The following B3GALT1 variants were observed in gnomAD, a reference collection of about 807,000 sequenced individuals.
B3GALT1 encodes the protein beta-1,3-galactosyltransferase 1, also known as UDP-Gal:betaGlcNAc beta 1,3-galactosyltransferase, polypeptide 1.
Under a neutral mutation model 23.2 loss-of-function variants are expected in B3GALT1, and 10 were observed. The ratio of observed to expected loss-of-function variants is 0.43; its 90% CI spans 0.27 to 0.73. The LOEUF (loss-of-function observed/expected upper bound fraction) is 0.73, where lower values mean the gene tolerates loss of function less well. Among genes scored for constraint, B3GALT1 ranks in the 30% least tolerant of loss-of-function variants. The pLI is 0.21. For missense variants in B3GALT1, 299 were observed against 405.4 expected, an observed-to-expected ratio of 0.74 and a Z score of 2.25; for synonymous variants, 156 against 141.5, an observed-to-expected ratio of 1.10 and a Z score of -0.73.
intron 2 of B3GALT1, among the ~76,000 whole-genome samples, chr2:167,593,237 A>AATATCATGTG (rs1364913260): frequency 2.4e-4 from 36 of 152,256 alleles, no homozygotes; most frequent in Admixed American, 1.3e-3. Context: ...GGCTAGGTAA[A>AATATCATGTG]ATATACTGTA....
intron 3 of B3GALT1, among the ~76,000 whole-genome samples, chr2:167,799,568 T>C (rs892942444): frequency 1.2e-4 from 18 of 152,176 alleles, no homozygotes; most frequent in Admixed American, 8.5e-4. Context: ...CACAGTATAT[T>C]GCAAAGGATT....
intron 2 of B3GALT1, among the ~76,000 whole-genome samples, chr2:167,624,631 A>T (rs978065586): frequency 7.2e-5 from 11 of 152,050 alleles, no homozygotes; most frequent in Non-Finnish European, 1.3e-4. Context: ...TCCCAAATTT[A>T]AATTTATATC....
rs549718014 is a variant in B3GALT1 at position 167,568,772 on chromosome 2, A to AT, written c.-409-78127dup. 2.7e-3 allele frequency among the ~76,000 whole-genome samples: 407 copies of AT among 148,836 alleles called. 1 individual carries two copies. Among genetic ancestry groups the AT allele is most frequent in the African/African-American group, 8.8e-3 (359 of 40,666 alleles). On this transcript the variant is annotated intron_variant, in intron 2 of 4. Transcript: ENST00000392690. ...ATTTCTTTCATGAATCATGTCTTTG[A>AT]TTTTTTTTTTATCTAAAGAGTCATT... is the stretch of plus-strand genomic sequence containing the variant.
At chr2:167,718,287 A>AC (rs1343958027) in intron 3 of B3GALT1, among the ~76,000 whole-genome samples, 2 of 151,880 alleles carry the variant, frequency 1.3e-5, no homozygotes, top group Admixed American at 6.6e-5. Context: ...TCATAAACAA[A>AC]AAAAAAAAAT....
intron 1 of B3GALT1, among the ~76,000 whole-genome samples, chr2:167,449,091 G>C (rs1183088447): frequency 6.6e-6 from 1 of 151,960 alleles, no homozygotes; most frequent in Non-Finnish European, 1.5e-5. Context: ...CTATTTTTTT[G>C]TTCCATATGA....
chr2:167,663,413 A>G (rs913929612), intron 3 of B3GALT1, among the ~76,000 whole-genome samples: 7 of 151,972 alleles, frequency 4.6e-5, no homozygotes, highest in African/African-American at 1.4e-4. Context: ...TAATGCCGCA[A>G]TAAACATACG....
At chr2:167,865,558 G>A (rs145780877) in intron 4 of B3GALT1, among the ~76,000 whole-genome samples, 1,841 of 152,302 alleles carry the variant, frequency 0.012, 37 homozygotes, top group African/African-American at 0.042. Flanking sequence ...CTGGGAGGCC[G>A]AGGCGGGCAG....
chr2:167,565,128 A>C (rs943138516), intron 2 of B3GALT1, among the ~76,000 whole-genome samples: 12 of 152,332 alleles, frequency 7.9e-5, no homozygotes, highest in East Asian at 3.9e-4. Context: ...TACAGTAACC[A>C]AAACAGCATG....
intron 4 of B3GALT1, among the ~76,000 whole-genome samples, chr2:167,848,402 A>C (rs1689806516): frequency 6.6e-6 from 1 of 152,236 alleles, no homozygotes. Context: ...GCCATGATCA[A>C]GTGGGTTTCA....
chr2:167,772,822 T>C (rs778276800), intron 3 of B3GALT1, among the ~76,000 whole-genome samples: 3 of 152,250 alleles, frequency 2.0e-5, no homozygotes, highest in Admixed American at 6.5e-5. Flanking sequence ...TAAACATTAC[T>C]GACACCTGTC....
chr2:167,345,188 C>T (rs1194986307), intron 1 of B3GALT1, among the ~76,000 whole-genome samples: 1 of 151,828 alleles, frequency 6.6e-6, no homozygotes, highest in Non-Finnish European at 1.5e-5. Flanking sequence ...AAGCATCTCT[C>T]AGAAGGATTT....
intron 1 of B3GALT1, among the ~76,000 whole-genome samples, chr2:167,324,507 G>T (rs1696861878): frequency 6.6e-6 from 1 of 151,824 alleles, no homozygotes; most frequent in Admixed American, 6.6e-5. Flanking sequence ...GCCTGATGCT[G>T]GCTTCTATTT....
chr2:167,753,729 C>G (rs913773714), intron 3 of B3GALT1, among the ~76,000 whole-genome samples: 2 of 152,178 alleles, frequency 1.3e-5, no homozygotes, highest in Non-Finnish European at 2.9e-5. Flanking sequence ...TGTTACTGTT[C>G]TACATTGCAG....
intron 3 of B3GALT1, among the ~76,000 whole-genome samples, chr2:167,656,504 T>C (rs1685958228): frequency 6.6e-6 from 1 of 152,174 alleles, no homozygotes; most frequent in Non-Finnish European, 1.5e-5. Context: ...CTCTTTTACA[T>C]GCATTTTCCT....
intron 1 of B3GALT1, among the ~76,000 whole-genome samples, chr2:167,455,121 C>G (rs1197271992): frequency 6.6e-6 from 1 of 152,200 alleles, no homozygotes; most frequent in East Asian, 1.9e-4. Flanking sequence ...ATATGGATTT[C>G]CATAAATGGG....
chr2:167,714,682 A>T (rs1428788370), intron 3 of B3GALT1: 1 of 1,613,752 alleles, frequency 6.2e-7, no homozygotes, highest in East Asian at 2.2e-5. Context: ...ACCAATTATT[A>T]TGTCCTTTTT....
chr2:167,410,421 G>A (rs1333782738), intron 1 of B3GALT1, among the ~76,000 whole-genome samples: 1 of 151,678 alleles, frequency 6.6e-6, no homozygotes, highest in East Asian at 1.9e-4. Flanking sequence ...AACCTGGGAG[G>A]CGGAGCTTGC....
chr2:167,600,682 C>A (rs77360912), intron 2 of B3GALT1, among the ~76,000 whole-genome samples: 2,360 of 152,244 alleles, frequency 0.016, 74 homozygotes, highest in African/African-American at 0.054. Context: ...ATAATGTTTT[C>A]AAGGTTCATC....
chr2:167,855,936 C>G (rs1689992658), intron 4 of B3GALT1, among the ~76,000 whole-genome samples: 1 of 152,026 alleles, frequency 6.6e-6, no homozygotes, highest in South Asian at 2.1e-4. Context: ...AATGTCATTT[C>G]TTTAATAGTC....
Sources: gnomAD v4.1 joint callset for allele counts (sites outside exome capture counted in the v4.1 genomes callset) on GRCh38, gnomAD v4.1.1 for gene constraint, MANE v1.5 for transcripts, NCBI Gene and HGNC (gene_info 2026-07-23, HGNC 2026-07-21) for gene names.